CRTAC1: variants seen among roughly 807,000 people sequenced by gnomAD.
CRTAC1 encodes the protein acidic secreted protein in cartilage.
A neutral mutation model predicts 67.8 loss-of-function variants in CRTAC1; 37 were observed. The observed-to-expected ratio is 0.55, with a 90% confidence interval of 0.42 to 0.72. CRTAC1 has a LOEUF of 0.72. Ranked by LOEUF, CRTAC1 falls within the 30% of genes least tolerant of loss-of-function variation. CRTAC1 has a pLI of 0.00. For synonymous variants in CRTAC1, 348 were observed against 371.0 expected (o/e 0.94, Z 0.71); for missense variants, 780 against 931.6 (o/e 0.84, Z 2.12).
At chr10:97,928,937 G>A (rs899505342) in intron 3 of CRTAC1, among the ~76,000 whole-genome samples, 2 of 152,102 alleles carry the variant, frequency 1.3e-5, no homozygotes, top group East Asian at 1.9e-4. Flanking sequence ...CAGTGTTTCC[G>A]GAAGATTAAG....
At chr10:97,899,926 C>G (rs1237524836) in intron 8 of CRTAC1, among the ~76,000 whole-genome samples, 1 of 152,202 alleles carries the variant, frequency 6.6e-6, no homozygotes, top group African/African-American at 2.4e-5. Context: ...CTCCACCTAT[C>G]CAGGACTCAT....
At chr10:97,985,698 C>T (rs2051969739) in intron 2 of CRTAC1, among the ~76,000 whole-genome samples, 1 of 152,124 alleles carries the variant, frequency 6.6e-6, no homozygotes, top group Non-Finnish European at 1.5e-5. Flanking sequence ...GTGCTTGCTC[C>T]CAAGAAAACC....
rs528985368 is a variant in CRTAC1, at chr10:97,894,217, T to C, written c.1486+1028A>G. 3.3e-5 allele frequency among the ~76,000 whole-genome samples: 5 copies of C among 152,326 alleles called. No homozygotes were observed. The South Asian group carries it at 6.2e-4, about 19-fold the overall frequency. On this transcript the variant is annotated intron_variant, in intron 11 of 14. Transcript: ENST00000370597. ...TCCAGTGTAGCTGTATCATTTTACATTTCCACCAGTGATGTAGGAGAGATC... is the reference window on the plus strand; with the variant it reads ...TCCAGTGTAGCTGTATCATTTTACACTTCCACCAGTGATGTAGGAGAGATC...
At chr10:98,023,452 C>G (rs1416235084) in intron 1 of CRTAC1, among the ~76,000 whole-genome samples, 1 of 152,226 alleles carries the variant, frequency 6.6e-6, no homozygotes, top group Non-Finnish European at 1.5e-5. Flanking sequence ...AAGTGCCATG[C>G]TAGGCACTGA....
chr10:97,871,155 CA>C (rs2050088907), intron 14 of CRTAC1: 1 of 152,178 alleles, frequency 6.6e-6, no homozygotes, highest in Non-Finnish European at 1.5e-5. Context: ...CAGCCTGCAC[CA>C]AGCTCACAAC....
At chr10:97,894,438 A>G (rs2050421121) in intron 11 of CRTAC1, among the ~76,000 whole-genome samples, 1 of 151,614 alleles carries the variant, frequency 6.6e-6, no homozygotes, top group African/African-American at 2.4e-5. Flanking sequence ...ACTCCAGCAT[A>G]GGCTGGAGTG....
intron 2 of CRTAC1, among the ~76,000 whole-genome samples, chr10:97,983,381 C>T (rs2051929914): frequency 6.6e-6 from 1 of 151,826 alleles, no homozygotes; most frequent in Non-Finnish European, 1.5e-5. Context: ...TACTGAAAAA[C>T]TAGCATTTCA....
intron 2 of CRTAC1, among the ~76,000 whole-genome samples, chr10:98,007,636 C>T (rs1262410621): frequency 1.3e-5 from 2 of 152,200 alleles, no homozygotes; most frequent in East Asian, 3.9e-4. Flanking sequence ...CAGACAGAGG[C>T]TGCTTTGCTC....
chr10:97,970,000 G>C (rs2051681952), intron 2 of CRTAC1, among the ~76,000 whole-genome samples: 1 of 152,118 alleles, frequency 6.6e-6, no homozygotes, highest in Non-Finnish European at 1.5e-5. Flanking sequence ...ATGTTTAATA[G>C]ATATTTCAAA....
intron 14 of CRTAC1, chr10:97,879,615 C>A (rs995951510): frequency 1.3e-6 from 2 of 1,513,406 alleles, no homozygotes; most frequent in African/African-American, 1.4e-5. Context: ...AGACAAGCAG[C>A]AGGAGAGAGA....
intron 1 of CRTAC1, among the ~76,000 whole-genome samples, chr10:98,024,798 CACACACA>C (rs1463840044): frequency 7.2e-4 from 23 of 31,946 alleles, no homozygotes; most frequent in African/African-American, 4.2e-3. Context: ...CTCTCCACCA[CACACACA>C]CACACACACA....
intron 2 of CRTAC1, among the ~76,000 whole-genome samples, chr10:97,984,230 G>A (rs1452416534): frequency 6.6e-6 from 1 of 152,192 alleles, no homozygotes; most frequent in Non-Finnish European, 1.5e-5. Flanking sequence ...GCTTGGAAAC[G>A]TGTCTCCAGC....
intron 2 of CRTAC1, among the ~76,000 whole-genome samples, chr10:97,948,154 G>A (rs1410001616): frequency 4.7e-5 from 7 of 150,308 alleles, no homozygotes; most frequent in Admixed American, 4.6e-4. Context: ...TTAGGTTTCT[G>A]TTCCTTATAA....
chr10:97,911,030 A>C lies in CRTAC1; in HGVS notation c.716-2883T>G, dbSNP rs140011726. Reference sequence around the variant, plus strand: ...GCTTCCAGAGGCCTGTCCTAAAGCCAGCAGGAAAGGATGTGGGGTCACAAC... The same window carrying C: ...GCTTCCAGAGGCCTGTCCTAAAGCCCGCAGGAAAGGATGTGGGGTCACAAC... On this transcript the variant is annotated intron_variant, in intron 5 of 14. Transcript: ENST00000370597. Among the ~76,000 whole-genome samples, 564 of 152,348 alleles carry C rather than the reference A, an allele frequency of 3.7e-3. 5 individuals are homozygous for C. The highest frequency in any genetic ancestry group is 0.012 in the African/African-American group (519 of 41,578).
chr10:97,901,594 C>A lies in CRTAC1; in HGVS notation c.1042G>T (p.Val348Phe). 6.2e-7 allele frequency: 1 copy of A among 1,614,160 alleles called. No homozygotes were observed. Among genetic ancestry groups the A allele is most frequent in the South Asian group, 1.1e-5 (1 of 91,078 alleles). Reference sequence around the variant, plus strand: ...TCATTGTCAAAGTCGGCGGTGATGACCGTGCGGACAGGGGAGGGCATGGAG... The same window carrying A: ...TCATTGTCAAAGTCGGCGGTGATGAACGTGCGGACAGGGGAGGGCATGGAG... ...KFSMPSPVRT[V>F]ITADFDNDQE... The change falls in exon 8 of 15, where the codon GTC becomes TTC. Residue 348 changes from valine to phenylalanine, a missense_variant. Transcript: ENST00000370597.
intron 11 of CRTAC1, among the ~76,000 whole-genome samples, chr10:97,884,849 C>T (rs1378663525): frequency 6.6e-6 from 1 of 152,144 alleles, no homozygotes; most frequent in Non-Finnish European, 1.5e-5. Context: ...CATGGCTCTA[C>T]CCCTTACCTG....
intron 3 of CRTAC1, among the ~76,000 whole-genome samples, chr10:97,926,179 A>AAGGG: frequency 6.6e-6 from 1 of 152,270 alleles, no homozygotes; most frequent in East Asian, 1.9e-4. Context: ...TGGAGCCCAG[A>AAGGG]AGGGACCTGC....
intron 2 of CRTAC1, among the ~76,000 whole-genome samples, chr10:97,978,180 G>T (rs1247416298): frequency 6.6e-6 from 1 of 152,164 alleles, no homozygotes; most frequent in Admixed American, 6.5e-5. Flanking sequence ...CAGCAGGAGT[G>T]ACATCACCTG....
rs1843312406 is a variant in CRTAC1, at chr10:98,029,469, G to A, written c.24+980C>T. Reference sequence around the variant, plus strand: ...TCCTGGGATGTGCAGAAGCCACACTGGGTGCACCCACCAGCAGCAGCAGCG... The same window carrying A: ...TCCTGGGATGTGCAGAAGCCACACTAGGTGCACCCACCAGCAGCAGCAGCG... On this transcript the variant is annotated intron_variant, in intron 1 of 14. Transcript: ENST00000370597. The surrounding 1 kb of genome is among the most constrained non-coding windows in gnomAD (Gnocchi z 4.7). 6.8e-6 allele frequency among the ~76,000 whole-genome samples: 1 copy of A among 146,558 alleles called. No homozygotes were observed. Among genetic ancestry groups the A allele is most frequent in the Admixed American group, 6.8e-5 (1 of 14,764 alleles).
Sources: gnomAD v4.1 joint callset for allele counts (sites outside exome capture counted in the v4.1 genomes callset) on GRCh38, gnomAD v4.1.1 for gene constraint, Gnocchi (gnomAD v3.1) non-coding constraint, MANE v1.5 for transcripts, NCBI Gene and HGNC (gene_info 2026-07-23, HGNC 2026-07-21) for gene names.